The following POMZP3 variants were observed in gnomAD, a reference collection of about 807,000 sequenced individuals.
POMZP3 encodes POM121 and ZP3 fusion protein.
Under a neutral mutation model 19.8 loss-of-function variants are expected in POMZP3, and 10 were observed. The observed-to-expected ratio is 0.51, with a 90% CI of 0.31 to 0.86. POMZP3 has a LOEUF of 0.86. POMZP3 is among the 40% of genes least tolerant of loss of function. The probability of loss-of-function intolerance (pLI) is 0.04; values close to 1 mark genes in which losing one functional copy is unlikely to be tolerated. For missense variants in POMZP3, 152 were observed against 228.1 expected, an observed-to-expected ratio of 0.67 and a Z score of 2.15; for synonymous variants, 57 against 85.8, an observed-to-expected ratio of 0.66 and a Z score of 1.85.
intron 2 of POMZP3, 83 bp downstream of exon 2, chr7:76,625,917 G>A: frequency 1.9e-6 from 3 of 1,580,480 alleles, no homozygotes; most frequent in Non-Finnish European, 8.6e-7. Context: ...TTTTTGCGTT[G>A]TAGTCATGTT....
intron 1 of POMZP3, 133 bp from the exon 2 acceptor site, chr7:76,626,348 G>GT (rs1381119637): frequency 1.1e-6 from 1 of 896,990 alleles, no homozygotes; most frequent in African/African-American, 1.7e-5. Context: ...AGAACACGTT[G>GT]TTTTTATGGC....
intron 4 of POMZP3, among the ~76,000 whole-genome samples, chr7:76,614,734 G>A (rs535975812): frequency 1.2e-5 from 1 of 83,422 alleles, no homozygotes; most frequent in East Asian, 2.7e-4. Context: ...GTGATTGAGT[G>A]CCTATAATTC....
intron 6 of POMZP3, 44 bp downstream of exon 6, chr7:76,611,410 G>C: frequency 1.3e-6 from 2 of 1,514,740 alleles, no homozygotes; most frequent in Non-Finnish European, 1.8e-6. Context: ...ACCCTCAACT[G>C]AGTAAGGGAC....
chr7:76,627,196 A>G lies in POMZP3; in HGVS notation c.-640T>C. ...AAGCGCCGCCCCGGCCGGCCCTGAC[A>G]CTCGCTATCGGCCGCCGCCGCTCGC... On this transcript the variant is annotated 5_prime_UTR_variant, in exon 1 of 7. Transcript: ENST00000310842. The G allele has an allele frequency of 2.1e-6, 3 of 1,437,500 alleles. No individual in the cohort carries two copies. The highest frequency in any genetic ancestry group is 1.4e-5 in the African/African-American group (1 of 69,692). 89.0% of individuals were successfully genotyped at this position (1,437,500 alleles called of 1,614,324 possible).
At chr7:76,625,411 A>G (rs1221612803) in intron 3 of POMZP3, 111 bp downstream of exon 3, 1 of 1,558,712 alleles carries the variant, frequency 6.4e-7, no homozygotes, top group Non-Finnish European at 8.8e-7. Context: ...AAGGAGGCCT[A>G]TGAAGGCTCA....
rs1487193940 is a variant in POMZP3 at position 76,620,180 on chromosome 7, T to A, written c.228-1880A>T. The stretch of plus-strand genomic sequence containing the variant: ...ATACAAAAATAAAATAAAATAAAAT[T>A]AGCCGGGCATGGTGGCGGGCGCCTG... On this transcript the variant is annotated intron_variant, in intron 3 of 6. Coordinates refer to ENST00000310842, the MANE Select transcript of POMZP3 (RefSeq NM_012230.5). 2.2e-3 allele frequency among the ~76,000 whole-genome samples: 187 copies of A among 85,544 alleles called. 1 individual carries two copies. Among genetic ancestry groups the A allele is most frequent in the African/African-American group, 9.6e-3 (179 of 18,580 alleles). 56.1% of individuals were successfully genotyped at this position (85,544 alleles called of 152,430 possible).
Position 76,625,515 on chromosome 7 carries a change from C to G in POMZP3, c.227+7G>C. ...AAACTGGCTTAGTACTCTCCTGAGC[C>G]TGTTACCTTCTTTTATTTTCCTGGC... On this transcript the variant is annotated splice_region_variant and intron_variant, in intron 3 of 6. Transcript: ENST00000310842. 6.2e-7 allele frequency: 1 copy of G among 1,612,982 alleles called. No individual in the cohort carries two copies. Among genetic ancestry groups the G allele is most frequent in the Non-Finnish European group, 8.5e-7 (1 of 1,179,174 alleles).
At chr7:76,626,308 A>G in intron 1 of POMZP3, 93 bp from the exon 2 acceptor site, 2 of 1,257,736 alleles carry the variant, frequency 1.6e-6, no homozygotes, top group South Asian at 2.9e-5. Context: ...GACATTTTCC[A>G]AAGAACTTAA....
At chr7:76,614,858 C>CAA (rs59620004) in intron 4 of POMZP3, among the ~76,000 whole-genome samples, 2 of 32,040 alleles carry the variant, frequency 6.2e-5, no homozygotes, top group African/African-American at 2.3e-4. Context: ...AGACTCTGTC[C>CAA]AAAAAAAAAA....
intron 4 of POMZP3, among the ~76,000 whole-genome samples, 191 bp from the exon 5 acceptor site, chr7:76,612,004 A>T (rs1815133087): frequency 6.6e-6 from 1 of 150,690 alleles, no homozygotes; most frequent in African/African-American, 2.5e-5. Flanking sequence ...TTCGAGACCA[A>T]CCTGGCCAAC....
At chr7:76,616,144 C>T (rs1364680294) in intron 4 of POMZP3, among the ~76,000 whole-genome samples, 1 of 136,394 alleles carries the variant, frequency 7.3e-6, no homozygotes, top group Admixed American at 7.5e-5. Flanking sequence ...ATTAGCCGGG[C>T]ATGGTGGCAG....
chr7:76,622,464 C>G (rs191902475), intron 3 of POMZP3, among the ~76,000 whole-genome samples: 1,943 of 139,678 alleles, frequency 0.014, 68 homozygotes, highest in Non-Finnish European at 0.022. Flanking sequence ...CTGCAACCTC[C>G]GCCCCACAGG....
At chr7:76,620,642 A>G (rs1815501975) in intron 3 of POMZP3, among the ~76,000 whole-genome samples, 1 of 150,908 alleles carries the variant, frequency 6.6e-6, no homozygotes, top group Non-Finnish European at 1.5e-5. Flanking sequence ...TAATTTTTGT[A>G]TTTTTAGTAG....
intron 3 of POMZP3, among the ~76,000 whole-genome samples, chr7:76,624,708 G>T (rs62476693): frequency 0.18 from 26,418 of 149,728 alleles, 2,513 homozygotes; most frequent in South Asian, 0.27. Context: ...GGCCTCTCAA[G>T]GTGCTGGGAT....
rs1258877416 is a variant in POMZP3 at position 76,625,680 on chromosome 7, T to C, written c.69A>G (p.Pro23=). Residue 23 remains proline (P), a synonymous_variant, in exon 3 of 7, where the codon CCA becomes CCG. Transcript: ENST00000310842. ...PDRRFSRSAI[P]EQIISSTLSS... ...ACAGTGTTGAGCTGATTATCTGCTC[T>C]GGTCTATAATGAAAGACAGGATTCT... is the stretch of plus-strand genomic sequence containing the variant. 2 of 1,613,070 alleles carry C rather than the reference T, an allele frequency of 1.2e-6. No individual in the cohort carries two copies. Among genetic ancestry groups the C allele is most frequent in the Non-Finnish European group, 1.7e-6 (2 of 1,179,580 alleles).
At chr7:76,626,259 A>G in intron 1 of POMZP3, 44 bp from the exon 2 acceptor site, 2 of 1,491,188 alleles carry the variant, frequency 1.3e-6, no homozygotes, top group Non-Finnish European at 1.8e-6. Flanking sequence ...AGTATAAAAG[A>G]ATGTCAAAAT....
chr7:76,625,627 G>C lies in POMZP3; in HGVS notation c.122C>G (p.Pro41Arg). ...ACTCAGTACAGTCTCCTTTGCACATGGGTCTGGGGCATTACTTGATGGTGA... is the reference window on the plus strand; with the variant it reads ...ACTCAGTACAGTCTCCTTTGCACATCGGTCTGGGGCATTACTTGATGGTGA... ...LSSPSSNAPDPCAKETVLSAL... is the reference protein window; with the variant it reads ...LSSPSSNAPDRCAKETVLSAL... Residue 41 changes from proline to arginine, a missense_variant, in exon 3 of 7, where the codon CCA (proline) becomes CGA (arginine). This residue lies in a region of POMZP3 where 70 missense variants were observed against 64.1 expected (regional missense o/e 1.09). Coordinates refer to ENST00000310842, the MANE Select transcript of POMZP3 (RefSeq NM_012230.5). The C allele has an allele frequency of 1.9e-6, 3 of 1,613,762 alleles. No homozygotes were observed. Among genetic ancestry groups the C allele is most frequent in the South Asian group, 2.2e-5 (2 of 91,060 alleles).
In POMZP3 at chr7:76,626,931, A is replaced by G. The variant is rs1815940186; in HGVS notation, c.-375T>C. 7.1e-7 allele frequency: 1 copy of G among 1,404,140 alleles called. No individual in the cohort carries two copies. 87.0% of individuals were successfully genotyped at this position (1,404,140 alleles called of 1,614,324 possible). On this transcript the variant is annotated 5_prime_UTR_variant, in exon 1 of 7. An upstream open reading frame in the 5' UTR loses its in-frame stop. Transcript: ENST00000310842. ...CCATGAGGAGCAGTTCGGCAGGGTCAGGTCCTTCGAGCAGGGTCCGCGGCT... is the reference window on the plus strand; with the variant it reads ...CCATGAGGAGCAGTTCGGCAGGGTCGGGTCCTTCGAGCAGGGTCCGCGGCT...
chr7:76,626,878 G>C lies in POMZP3; in HGVS notation c.-322C>G, dbSNP rs947749864. On this transcript the variant is annotated 5_prime_UTR_variant, in exon 1 of 7. Coordinates refer to ENST00000310842, the MANE Select transcript of POMZP3 (RefSeq NM_012230.5). Reference sequence around the variant, plus strand: ...GCCCTCCGGAGCGGGGGCGGGCTGCGGCGGCCCGGGCTTGCCCAGGTAACT... The same window carrying C: ...GCCCTCCGGAGCGGGGGCGGGCTGCCGCGGCCCGGGCTTGCCCAGGTAACT... 1.5e-4 allele frequency: 204 copies of C among 1,388,632 alleles called. No homozygotes were observed. Among genetic ancestry groups the C allele is most frequent in the Middle Eastern group, 2.7e-4 (1 of 3,730 alleles). The allele number at this position is 1,388,632 out of a possible 1,614,324, so 86.0% of individuals were successfully genotyped here.
Sources: gnomAD v4.1 joint callset for allele counts (sites outside exome capture counted in the v4.1 genomes callset) on GRCh38, gnomAD v4.1.1 for gene constraint, gnomAD v4.1.1 regional missense constraint, MANE v1.5 for transcripts, NCBI Gene and HGNC (gene_info 2026-07-23, HGNC 2026-07-21) for gene names.